Variants in CYP7B1 observed in about 807,000 individuals in gnomAD.
The protein encoded by CYP7B1 is cytochrome P450 7B1.
A neutral mutation model predicts 42.7 loss-of-function variants in CYP7B1; 29 were observed. The ratio of observed to expected loss-of-function variants is 0.68; its 90% CI spans 0.51 to 0.93. CYP7B1 has a LOEUF of 0.93. CYP7B1 is among the 40% of genes least tolerant of loss of function. CYP7B1 has a pLI of 0.00. For missense variants in CYP7B1, 655 were observed against 600.5 expected, an observed-to-expected ratio of 1.09 and a Z score of -0.95; for synonymous variants, 235 against 218.2, an observed-to-expected ratio of 1.08 and a Z score of -0.68.
intron 1 of CYP7B1, among the ~76,000 whole-genome samples, chr8:64,745,308 T>C (rs886900217): frequency 1.3e-5 from 2 of 152,238 alleles, no homozygotes; most frequent in Non-Finnish European, 2.9e-5. Flanking sequence ...TGTTTCTACA[T>C]ATTTCTGAGT....
intron 1 of CYP7B1, among the ~76,000 whole-genome samples, chr8:64,643,164 CATATAT>C (rs1192016383): frequency 2.0e-4 from 24 of 117,748 alleles, no homozygotes; most frequent in African/African-American, 8.2e-4. Context: ...CATATATACA[CATATAT>C]ACATATATAT....
At chr8:64,727,305 A>G (rs927624933) in intron 1 of CYP7B1, among the ~76,000 whole-genome samples, 1 of 152,086 alleles carries the variant, frequency 6.6e-6, no homozygotes, top group Non-Finnish European at 1.5e-5. Flanking sequence ...ATAATTCACC[A>G]TTTCTCTTTG....
chr8:64,737,795 G>A (rs1172239328), intron 1 of CYP7B1, among the ~76,000 whole-genome samples: 1 of 152,058 alleles, frequency 6.6e-6, no homozygotes, highest in East Asian at 1.9e-4. Flanking sequence ...TGTTTGTTTG[G>A]TTTTTGTTCT....
At chr8:64,704,435 C>T (rs1806962684) in intron 1 of CYP7B1, among the ~76,000 whole-genome samples, 1 of 151,838 alleles carries the variant, frequency 6.6e-6, no homozygotes. Flanking sequence ...TCCTAAGTAA[C>T]ATCTCAATGT....
intron 1 of CYP7B1, among the ~76,000 whole-genome samples, chr8:64,724,913 CCT>C (rs1441949603): frequency 4.6e-5 from 7 of 152,332 alleles, no homozygotes; most frequent in East Asian, 1.9e-4. Flanking sequence ...CTAACCTTCC[CCT>C]GTCTTTCTGT....
chr8:64,688,843 C>A (rs900286688), intron 1 of CYP7B1, among the ~76,000 whole-genome samples: 1 of 152,164 alleles, frequency 6.6e-6, no homozygotes, highest in Non-Finnish European at 1.5e-5. Context: ...GGGAGGATTG[C>A]TCAACCTGGG....
chr8:64,714,085 T>C (rs1203191353), intron 1 of CYP7B1, among the ~76,000 whole-genome samples: 2 of 152,124 alleles, frequency 1.3e-5, no homozygotes, highest in Non-Finnish European at 2.9e-5. Context: ...TCGCCCAGCT[T>C]TTCTGAGTGG....
Position 64,662,566 on chromosome 8 carries a change from G to T in CYP7B1, c.123-38027C>A, listed in dbSNP as rs374617101. 2.0e-5 allele frequency among the ~76,000 whole-genome samples: 3 copies of T among 152,158 alleles called. No homozygotes were observed. The South Asian group carries it at 6.2e-4, about 32-fold the overall frequency. On this transcript the variant is annotated intron_variant, in intron 1 of 5. Coordinates refer to ENST00000310193, the MANE Select transcript of CYP7B1 (RefSeq NM_004820.5). ...TCTATCCTTCCCATTCAACTAGAGT[G>T]TGAATGCAAACCATGTCATTTTGCT...
At chr8:64,706,274 GACT>G (rs1243328183) in intron 1 of CYP7B1, among the ~76,000 whole-genome samples, 2 of 151,956 alleles carry the variant, frequency 1.3e-5, no homozygotes, top group Non-Finnish European at 2.9e-5. Flanking sequence ...TGGTAAAACT[GACT>G]ACTAAGTCCT....
chr8:64,778,174 A>AATATATATATATATAT (rs60859854), intron 1 of CYP7B1, among the ~76,000 whole-genome samples: 2,260 of 132,928 alleles, frequency 0.017, 30 homozygotes, highest in African/African-American at 0.023. Flanking sequence ...ACTAGTTTGA[A>AATATATATATATATAT]ATATATATAT....
At chr8:64,723,726 C>T (rs1807279154) in intron 1 of CYP7B1, among the ~76,000 whole-genome samples, 1 of 151,710 alleles carries the variant, frequency 6.6e-6, no homozygotes, top group Non-Finnish European at 1.5e-5. Context: ...AAACCAATCT[C>T]AAAGAAATAA....
chr8:64,707,536 C>A (rs903330157), intron 1 of CYP7B1, among the ~76,000 whole-genome samples: 2 of 152,084 alleles, frequency 1.3e-5, no homozygotes, highest in Non-Finnish European at 2.9e-5. Context: ...GACATGTAAT[C>A]AAAAGCTAAC....
intron 1 of CYP7B1, among the ~76,000 whole-genome samples, chr8:64,666,739 G>A (rs1563382829): frequency 2.0e-5 from 3 of 152,268 alleles, no homozygotes; most frequent in Admixed American, 2.0e-4. Flanking sequence ...CAACAGTATT[G>A]TCACTGTTAT....
intron 1 of CYP7B1, 68 bp downstream of exon 1, chr8:64,798,398 G>T: frequency 7.0e-7 from 1 of 1,434,206 alleles, no homozygotes; most frequent in Non-Finnish European, 9.0e-7. Context: ...GACTCCCCTC[G>T]CCATCTGGGT....
At chr8:64,763,131 C>T (rs908042377) in intron 1 of CYP7B1, among the ~76,000 whole-genome samples, 1 of 152,218 alleles carries the variant, frequency 6.6e-6, no homozygotes, top group African/African-American at 2.4e-5. Context: ...TCCACCCCTC[C>T]GGATCCAGCA....
chr8:64,775,630 A>T (rs1194366078), intron 1 of CYP7B1, among the ~76,000 whole-genome samples: 1 of 152,102 alleles, frequency 6.6e-6, no homozygotes, highest in Non-Finnish European at 1.5e-5. Context: ...CAGAGGAGAT[A>T]ATATATATTA....
rs185188813 is a variant in CYP7B1, at chr8:64,787,861, C to A, written c.122+10605G>T. Among the ~76,000 whole-genome samples, 6 of 152,342 alleles carry A rather than the reference C, an allele frequency of 3.9e-5. No individual in the cohort carries two copies. In the East Asian group the frequency reaches 1.2e-3, roughly 29 times the overall value. ...TGGCTGGGGGGCCTCAGGAAACTTA[C>A]ACACATGGCTGAAGGGGAAGCAAAT... On this transcript the variant is annotated intron_variant, in intron 1 of 5. Coordinates refer to ENST00000310193, the MANE Select transcript of CYP7B1 (RefSeq NM_004820.5).
chr8:64,686,058 G>T (rs1363617644), intron 1 of CYP7B1, among the ~76,000 whole-genome samples: 262 of 130,010 alleles, frequency 2.0e-3, no homozygotes, highest in Non-Finnish European at 3.6e-3. Flanking sequence ...GATGGGGGGG[G>T]TCAGCCCCCC....
chr8:64,709,656 T>C (rs1434315344), intron 1 of CYP7B1, among the ~76,000 whole-genome samples: 1 of 152,194 alleles, frequency 6.6e-6, no homozygotes, highest in African/African-American at 2.4e-5. Flanking sequence ...GAAGTGAAAG[T>C]GAAATACCTT....
Sources: allele counts gnomAD v4.1 joint callset (sites outside exome capture counted in the v4.1 genomes callset), GRCh38; gene constraint gnomAD v4.1.1; transcripts MANE v1.5; gene names NCBI Gene and HGNC (gene_info 2026-07-23, HGNC 2026-07-21).